YTHDC2: variants seen among roughly 807,000 people sequenced by gnomAD.
YTHDC2 encodes 3'-5' RNA helicase YTHDC2.
Under a neutral mutation model 174.9 loss-of-function variants are expected in YTHDC2, and 45 were observed. The ratio of observed to expected loss-of-function variants is 0.26; its 90% CI spans 0.20 to 0.33. The LOEUF (loss-of-function observed/expected upper bound fraction) is 0.33. Ranked by LOEUF, YTHDC2 falls within the 10% of genes least tolerant of loss-of-function variation. The probability of loss-of-function intolerance (pLI) is 1.00; values close to 1 mark genes in which losing one functional copy is unlikely to be tolerated. For missense variants in YTHDC2, 1,650 were observed against 1,723.7 expected (o/e 0.96, Z 0.76); for synonymous variants, 657 against 574.5 (o/e 1.14, Z -2.05).
At chr5:113,533,445 A>G (rs919523131) in intron 5 of YTHDC2, among the ~76,000 whole-genome samples, 3 of 151,708 alleles carry the variant, frequency 2.0e-5, no homozygotes, top group Admixed American at 2.0e-4. Flanking sequence ...GCTACTCGGG[A>G]GGCTGAGGCA....
At position 113,514,048 on chromosome 5, in the gene YTHDC2, C is replaced by T. The variant is rs150619659; in HGVS notation, c.153C>T (p.Ile51=). ...IDEEVKIAVN[I]ALERFRYGDQ... ...AGGAGGTGAAGATCGCAGTCAATAT[C>T]GCGCTGGAGCGCTTCCGATACGGGG... Residue 51 remains isoleucine (I), a synonymous_variant, in exon 1 of 30, where the codon ATC becomes ATT. Coordinates refer to ENST00000161863, the MANE Select transcript of YTHDC2 (RefSeq NM_022828.5). 10 of 1,611,982 alleles carry T rather than the reference C, an allele frequency of 6.2e-6. No homozygotes were observed. Among genetic ancestry groups the T allele is most frequent in the Non-Finnish European group, 7.6e-6 (9 of 1,179,268 alleles).
intron 1 of YTHDC2, chr5:113,514,369 A>T: frequency 4.7e-6 from 3 of 635,728 alleles, no homozygotes; most frequent in Non-Finnish European, 8.8e-6. Context: ...CGGTTAAGCC[A>T]CCGTGTTTCA....
At chr5:113,584,507 A>G in intron 26 of YTHDC2, 28 bp downstream of exon 26, 2 of 1,562,866 alleles carry the variant, frequency 1.3e-6, no homozygotes, top group Non-Finnish European at 1.7e-6. Flanking sequence ...AAAATGTAGT[A>G]AGGAACAGAT....
At chr5:113,573,469 G>A (rs527924538) in intron 23 of YTHDC2, among the ~76,000 whole-genome samples, 58 of 152,178 alleles carry the variant, frequency 3.8e-4, no homozygotes, top group African/African-American at 1.4e-3. Context: ...TTCTCATGGA[G>A]TATTATACTA....
At chr5:113,537,647 T>C (rs1775176141) in intron 7 of YTHDC2, among the ~76,000 whole-genome samples, 1 of 151,912 alleles carries the variant, frequency 6.6e-6, no homozygotes, top group East Asian at 1.9e-4. Flanking sequence ...TGGAGATGCA[T>C]AGTTTTCCTG....
At position 113,554,576 on chromosome 5, in the gene YTHDC2, TA is replaced by T. The variant is rs113829430; in HGVS notation, c.2133+563del. ...AAATTGGACTTAACACTTGCTTTTGTAAAAAAAAAGTTTCATTGGAACTCAG... is the reference window on the plus strand; with the variant it reads ...AAATTGGACTTAACACTTGCTTTTGTAAAAAAAAGTTTCATTGGAACTCAG... On this transcript the variant is annotated intron_variant, in intron 16 of 29. Transcript: ENST00000161863. Among the ~76,000 whole-genome samples the T allele has an allele frequency of 2.6e-5, 4 of 151,116 alleles. No homozygotes were observed. The South Asian group carries it at 8.3e-4, about 31-fold the overall frequency.
chr5:113,580,778 C>G (rs1329874011), intron 24 of YTHDC2, among the ~76,000 whole-genome samples: 1 of 152,154 alleles, frequency 6.6e-6, no homozygotes, highest in East Asian at 1.9e-4. Flanking sequence ...CCCCAGTTTT[C>G]TTCCTTACTC....
At chr5:113,574,101 C>T (rs894981645) in intron 23 of YTHDC2, among the ~76,000 whole-genome samples, 1 of 152,112 alleles carries the variant, frequency 6.6e-6, no homozygotes, top group African/African-American at 2.4e-5. Context: ...GGCTTATCTA[C>T]CTTTGATCTT....
At chr5:113,548,792 T>C (rs568952935) in intron 11 of YTHDC2, 125 bp downstream of exon 11, 1 of 1,192,866 alleles carries the variant, frequency 8.4e-7, no homozygotes, top group Non-Finnish European at 1.1e-6. Flanking sequence ...ATTTCTGTTT[T>C]AATGGGTTAA....
intron 16 of YTHDC2, among the ~76,000 whole-genome samples, chr5:113,554,489 T>A (rs1026111312): frequency 2.0e-5 from 3 of 152,060 alleles, no homozygotes; most frequent in Non-Finnish European, 4.4e-5. Context: ...AGATACTCAG[T>A]TCAAGAGAAC....
chr5:113,521,193 A>T (rs1020791039), intron 2 of YTHDC2, among the ~76,000 whole-genome samples: 15 of 152,216 alleles, frequency 9.9e-5, no homozygotes, highest in African/African-American at 3.6e-4. Flanking sequence ...TATAAGGCAG[A>T]GTCTATTTTA....
At chr5:113,546,313 G>A (rs564763263) in intron 10 of YTHDC2, among the ~76,000 whole-genome samples, 3 of 152,282 alleles carry the variant, frequency 2.0e-5, no homozygotes, top group Admixed American at 1.3e-4. Flanking sequence ...TGGTCATCCT[G>A]TGTAGACTCA....
chr5:113,522,688 T>C (rs1773959015), intron 2 of YTHDC2, among the ~76,000 whole-genome samples: 1 of 152,188 alleles, frequency 6.6e-6, no homozygotes, highest in Non-Finnish European at 1.5e-5. Context: ...GTTCTCAATT[T>C]GTTAGTTTAC....
Position 113,594,962 on chromosome 5 carries a change from T to A in YTHDC2, c.*1488T>A, listed in dbSNP as rs1014225542. On this transcript the variant is annotated 3_prime_UTR_variant, in exon 30 of 30. Transcript: ENST00000161863. ...TTAGCTTTGGGGTTTTCTTGTACTT[T>A]AAGACATACCTGTAAATTGAACCTA... is the stretch of plus-strand genomic sequence containing the variant. 1 of 152,164 alleles carries A rather than the reference T, an allele frequency of 6.6e-6. No individual in the cohort carries two copies. Among genetic ancestry groups the A allele is most frequent in the Non-Finnish European group, 1.5e-5 (1 of 68,016 alleles). The allele number at this position is 152,164 out of a possible 1,614,324, so 9.4% of individuals were successfully genotyped here. A position where few individuals can be genotyped will look rare whatever the true frequency, so the allele number is the denominator to read the frequency against.
At position 113,533,083 on chromosome 5, in the gene YTHDC2, C is replaced by T. The variant is rs778762066; in HGVS notation, c.842+38C>T. The T allele has an allele frequency of 6.3e-6, 10 of 1,599,250 alleles. No individual in the cohort carries two copies. The African/African-American group carries it at 1.1e-4, about 17-fold the overall frequency. On this transcript the variant is annotated intron_variant, in intron 5 of 29. Coordinates refer to ENST00000161863, the MANE Select transcript of YTHDC2 (RefSeq NM_022828.5). ...CTCATGTATCTTCTCTTTTATCATG[C>T]TTAAAAAAGACTATGTATATTTCAC...
intron 7 of YTHDC2, among the ~76,000 whole-genome samples, chr5:113,536,790 TTTG>T (rs1775110985): frequency 1.4e-5 from 2 of 146,232 alleles, no homozygotes; most frequent in Non-Finnish European, 2.9e-5. Context: ...TTTATATATA[TTTG>T]TTCTTCATCT....
intron 2 of YTHDC2, among the ~76,000 whole-genome samples, chr5:113,517,438 C>T (rs1023948278): frequency 2.0e-5 from 3 of 152,176 alleles, no homozygotes; most frequent in Non-Finnish European, 2.9e-5. Flanking sequence ...TTAGAGTAGA[C>T]TTCCTGTCCT....
chr5:113,553,036 A>G, intron 12 of YTHDC2, 145 bp from the exon 13 acceptor site: 1 of 828,774 alleles, frequency 1.2e-6, no homozygotes, highest in Non-Finnish European at 1.7e-6. Context: ...ATGTGCTTGA[A>G]ATCAAAACAT....
intron 21 of YTHDC2, among the ~76,000 whole-genome samples, chr5:113,566,644 A>G (rs1432471824): frequency 6.6e-6 from 1 of 152,174 alleles, no homozygotes; most frequent in African/African-American, 2.4e-5. Context: ...ATAAGGAAAT[A>G]TGAAGGACTT....
Sources: gnomAD v4.1 joint callset for allele counts (sites outside exome capture counted in the v4.1 genomes callset) on GRCh38, gnomAD v4.1.1 for gene constraint, MANE v1.5 for transcripts, NCBI Gene and HGNC (gene_info 2026-07-23, HGNC 2026-07-21) for gene names.